Variants in MTA3 observed in about 807,000 individuals in gnomAD.
MTA3 encodes the protein metastasis-associated protein MTA3.
Under a neutral mutation model 83.5 loss-of-function variants are expected in MTA3, and 34 were observed. The observed-to-expected ratio is 0.41, with a 90% CI of 0.31 to 0.54. MTA3 has a LOEUF of 0.54. MTA3 is among the 20% of genes least tolerant of loss of function. The probability of loss-of-function intolerance (pLI) is 0.33; values close to 1 mark genes in which losing one functional copy is unlikely to be tolerated. For synonymous variants in MTA3, 303 were observed against 252.7 expected (o/e 1.20, Z -1.89); for missense variants, 761 against 726.4 (o/e 1.05, Z -0.55).
At chr2:42,577,091 T>TAAAAA (rs1173783991) in intron 2 of MTA3, among the ~76,000 whole-genome samples, 638 of 19,094 alleles carry the variant, frequency 0.033, 23 homozygotes, top group Middle Eastern at 0.071. Context: ...GTACTCCATC[T>TAAAAA]AAAAAAAAAA....
At chr2:42,711,220 T>G (rs1666582967) in intron 14 of MTA3, among the ~76,000 whole-genome samples, 1 of 152,244 alleles carries the variant, frequency 6.6e-6, no homozygotes, top group Non-Finnish European at 1.5e-5. Context: ...AGTTGGCTGC[T>G]GAGGAAACTC....
intron 2 of MTA3, among the ~76,000 whole-genome samples, chr2:42,515,651 C>T (rs767636268): frequency 4.0e-5 from 6 of 151,182 alleles, no homozygotes; most frequent in African/African-American, 4.9e-5. Context: ...TACAGGTGTG[C>T]ACCACCTCGC....
chr2:42,593,349 TC>T (rs1681273672), intron 3 of MTA3, among the ~76,000 whole-genome samples: 1 of 82,520 alleles, frequency 1.2e-5, no homozygotes, highest in Non-Finnish European at 2.4e-5. Flanking sequence ...AGACTCTGTG[TC>T]AAAACAAAAA....
intron 13 of MTA3, 142 bp from the exon 14 acceptor site, chr2:42,708,730 CTT>C: frequency 1.2e-6 from 1 of 836,080 alleles, no homozygotes; most frequent in Non-Finnish European, 1.9e-6. Context: ...TTAATTCTCT[CTT>C]TTAGAGGTAG....
Position 42,591,754 on chromosome 2 carries a change from A to G in MTA3, c.190+12554A>G, listed in dbSNP as rs553840826. On this transcript the variant is annotated intron_variant, in intron 3 of 16. Coordinates refer to ENST00000405094, the MANE Select transcript of MTA3 (RefSeq NM_001330442.2). The stretch of plus-strand genomic sequence containing the variant: ...CAATCTCCGCCTTCCAGGTTCAAGC[A>G]ATTCTCCTGCCTCAGCCTCCCGAGT... Among the ~76,000 whole-genome samples the G allele has an allele frequency of 2.6e-4, 40 of 152,134 alleles. 1 individual carries two copies. The highest frequency in any genetic ancestry group is 8.2e-4 in the African/African-American group (34 of 41,548).
chr2:42,567,498 A>G (rs1338437851), upstream of MTA3, among the ~76,000 whole-genome samples: 1 of 152,150 alleles, frequency 6.6e-6, no homozygotes, highest in Non-Finnish European at 1.5e-5. Flanking sequence ...GCTGTGTATC[A>G]CCACACATTC....
At chr2:42,748,069 G>A (rs368585938) in intron 16 of MTA3, among the ~76,000 whole-genome samples, 1 of 151,902 alleles carries the variant, frequency 6.6e-6, no homozygotes, top group Non-Finnish European at 1.5e-5. Flanking sequence ...TCCCTCTGTC[G>A]CCAGGTGGGA....
rs773677810 is a variant in MTA3, at chr2:42,682,385, C to A, written c.703-16C>A. 1 of 1,541,112 alleles carries A rather than the reference C, an allele frequency of 6.5e-7. No individual in the cohort carries two copies. Among genetic ancestry groups the A allele is most frequent in the African/African-American group, 1.4e-5 (1 of 73,696 alleles). ...GCATTTCTGGTTGATATTTTCTGTT[C>A]ATTTTGTTTCTTTAGTTTCACGCTA... On this transcript the variant is annotated splice_polypyrimidine_tract_variant and intron_variant, in intron 8 of 16. Coordinates refer to ENST00000405094, the MANE Select transcript of MTA3 (RefSeq NM_001330442.2).
Position 42,708,035 on chromosome 2 carries a change from C to G in MTA3, c.1283C>G (p.Ser428Cys). The G allele has an allele frequency of 2.5e-6, 4 of 1,609,522 alleles. No homozygotes were observed. Among genetic ancestry groups the G allele is most frequent in the Non-Finnish European group, 3.4e-6 (4 of 1,178,742 alleles). The change falls in exon 13 of 17, where the codon TCT becomes TGT. Residue 428 changes from serine to cysteine, a missense_variant. Coordinates refer to ENST00000405094, the MANE Select transcript of MTA3 (RefSeq NM_001330442.2). Reference sequence around the variant, plus strand: ...ACCCAGTCAGAAGAAGAGAAGTTATCTCCTAGCCCAACTACAGAGGTACAG... The same window carrying G: ...ACCCAGTCAGAAGAAGAGAAGTTATGTCCTAGCCCAACTACAGAGGTACAG... ...MPTQSEEEKL[S>C]PSPTTEDPRV... is the part of the protein sequence containing the mutation.
chr2:42,756,061 T>G lies in MTA3; in HGVS notation c.*2662T>G. On this transcript the variant is annotated 3_prime_UTR_variant, in exon 17 of 17. Transcript: ENST00000405094. ...CAAGTGGGGGTTTTCATCCAGAGAT[T>G]TGTTTAACACAAAACAAGAAAAGCT... 1 of 973,300 alleles carries G rather than the reference T, an allele frequency of 1.0e-6. No individual in the cohort carries two copies. The highest frequency in any genetic ancestry group is 1.2e-6 in the Non-Finnish European group (1 of 818,966). 60.3% of individuals were successfully genotyped at this position (973,300 alleles called of 1,614,324 possible). A position where few individuals can be genotyped will look rare whatever the true frequency, so the allele number is the denominator to read the frequency against.
At position 42,604,826 on chromosome 2, in the gene MTA3, A is replaced by G. The variant is rs533412350; in HGVS notation, c.191-4632A>G. On this transcript the variant is annotated intron_variant, in intron 3 of 16. Transcript: ENST00000405094. ...CCTTCAAGCATCTGTTTAACAAAGC[A>G]CATATTGCACCGCCCTTAATCCATT... 6.3e-4 allele frequency among the ~76,000 whole-genome samples: 94 copies of G among 149,516 alleles called. 1 individual carries two copies. Among genetic ancestry groups the G allele is most frequent in the African/African-American group, 2.0e-3 (80 of 40,664 alleles).
intron 8 of MTA3, among the ~76,000 whole-genome samples, chr2:42,662,885 C>G (rs530617829): frequency 6.6e-6 from 1 of 152,136 alleles, no homozygotes; most frequent in Non-Finnish European, 1.5e-5. Context: ...GCGCACGTCA[C>G]CACACCTAGC....
At chr2:42,646,549 A>T (rs959932437) in intron 6 of MTA3, among the ~76,000 whole-genome samples, 10 of 152,230 alleles carry the variant, frequency 6.6e-5, no homozygotes, top group African/African-American at 2.4e-4. Flanking sequence ...ACACTCGTGG[A>T]TAACTTTGAA....
intron 8 of MTA3, among the ~76,000 whole-genome samples, chr2:42,667,329 T>A (rs1278512283): frequency 1.3e-5 from 2 of 152,172 alleles, no homozygotes. Flanking sequence ...ACATTGTTGG[T>A]AACTATTACC....
upstream of MTA3, among the ~76,000 whole-genome samples, chr2:42,567,532 ATCT>A (rs752322989): frequency 3.3e-5 from 5 of 152,106 alleles, no homozygotes; most frequent in Admixed American, 2.0e-4. Flanking sequence ...ACACCAAGAA[ATCT>A]TCTTCGTGTT....
At chr2:42,522,408 C>G (rs770384299) in intron 2 of MTA3, among the ~76,000 whole-genome samples, 3 of 152,130 alleles carry the variant, frequency 2.0e-5, no homozygotes, top group Non-Finnish European at 4.4e-5. Context: ...TCCTTGCACC[C>G]ACTTTCAGGA....
At chr2:42,585,870 CAGGGTTGG>C (rs1680217745) in intron 3 of MTA3, among the ~76,000 whole-genome samples, 1 of 152,060 alleles carries the variant, frequency 6.6e-6, no homozygotes, top group Non-Finnish European at 1.5e-5. Flanking sequence ...TCCAGTATTT[CAGGGTTGG>C]AATGAGCTAT....
chr2:42,573,691 A>C (rs1029765432), intron 2 of MTA3, among the ~76,000 whole-genome samples: 1 of 149,342 alleles, frequency 6.7e-6, no homozygotes, highest in Non-Finnish European at 1.5e-5. Flanking sequence ...TTGTATTTTT[A>C]GTAGAGACAG....
chr2:42,649,575 AT>A (rs904570797), intron 6 of MTA3, among the ~76,000 whole-genome samples: 1 of 152,230 alleles, frequency 6.6e-6, no homozygotes, highest in African/African-American at 2.4e-5. Flanking sequence ...GTCAGTTCAT[AT>A]GTGGCTTTCC....
Sources: allele counts gnomAD v4.1 joint callset (sites outside exome capture counted in the v4.1 genomes callset), GRCh38; gene constraint gnomAD v4.1.1; transcripts MANE v1.5; gene names NCBI Gene and HGNC (gene_info 2026-07-23, HGNC 2026-07-21).